The following EDEM1 variants were observed in gnomAD, a reference collection of about 807,000 sequenced individuals.
EDEM1 encodes the protein ER degradation enhancing alpha-mannosidase like protein 1.
EDEM1 carries 67 observed loss-of-function variants against 74.4 expected under a neutral mutation model. The observed-to-expected ratio is 0.90, with a 90% confidence interval of 0.74 to 1.10. The LOEUF is 1.10. Ranked by LOEUF, EDEM1 falls within the 50% of genes least tolerant of loss-of-function variation. The probability of loss-of-function intolerance (pLI) is 0.00; values close to 1 mark genes in which losing one functional copy is unlikely to be tolerated. For missense variants in EDEM1, 926 were observed against 851.6 expected (o/e 1.09, Z -1.09); for synonymous variants, 382 against 335.9 (o/e 1.14, Z -1.50).
At chr3:5,189,464 A>C (rs1412318649) in intron 1 of EDEM1, 2 of 152,342 alleles carry the variant, frequency 1.3e-5, no homozygotes, top group East Asian at 3.9e-4. Flanking sequence ...CAAAGGACTG[A>C]GCCTTTTCAA....
intron 10 of EDEM1, among the ~76,000 whole-genome samples, chr3:5,212,754 C>T (rs1030096546): frequency 1.3e-5 from 2 of 152,206 alleles, no homozygotes; most frequent in East Asian, 1.9e-4. Flanking sequence ...TCTTTCGTTC[C>T]GTGTCACATG....
At chr3:5,207,078 C>T (rs2055106661) in intron 6 of EDEM1, 75 bp from the exon 7 acceptor site, 1 of 1,567,200 alleles carries the variant, frequency 6.4e-7, no homozygotes, top group Non-Finnish European at 8.6e-7. Flanking sequence ...ATGAAACTAC[C>T]AGCAGCTGCT....
intron 1 of EDEM1, 74 bp from the exon 2 acceptor site, chr3:5,195,135 T>A: frequency 1.2e-6 from 1 of 809,916 alleles, no homozygotes; most frequent in Non-Finnish European, 1.8e-6. Context: ...TTATAGTTTC[T>A]GATGGGTGTT....
At chr3:5,199,177 T>A (rs2055005851) in intron 2 of EDEM1, among the ~76,000 whole-genome samples, 1 of 152,226 alleles carries the variant, frequency 6.6e-6, no homozygotes, top group Non-Finnish European at 1.5e-5. Context: ...GCACCCAAGC[T>A]GCTGATTTAT....
At chr3:5,211,596 C>A (rs751879265) in intron 10 of EDEM1, among the ~76,000 whole-genome samples, 1 of 152,092 alleles carries the variant, frequency 6.6e-6, no homozygotes, top group Non-Finnish European at 1.5e-5. Context: ...TTAGCCAAGA[C>A]CTGCAGCTCA....
intron 2 of EDEM1, 101 bp from the exon 3 acceptor site, chr3:5,199,491 A>C: frequency 1.3e-6 from 1 of 789,424 alleles, no homozygotes; most frequent in South Asian, 1.8e-5. Context: ...TGGTAGCAAA[A>C]CCACATACAG....
chr3:5,194,980 C>T, intron 1 of EDEM1: 2 of 325,022 alleles, frequency 6.2e-6, no homozygotes, highest in South Asian at 1.1e-4. Flanking sequence ...GCATTCTTTC[C>T]ACTCTGGTAC....
intron 5 of EDEM1, 46 bp downstream of exon 5, chr3:5,203,195 C>A (rs1451417821): frequency 1.4e-6 from 2 of 1,479,004 alleles, no homozygotes; most frequent in Admixed American, 2.5e-5. Context: ...TGCTTGGTCC[C>A]CTTTTCCTTT....
intron 9 of EDEM1, 77 bp from the exon 10 acceptor site, chr3:5,211,043 A>G: frequency 3.1e-6 from 4 of 1,290,868 alleles, no homozygotes; most frequent in South Asian, 1.2e-5. Flanking sequence ...TTCTGATAAG[A>G]GAATGTTTCT....
At position 5,195,312 on chromosome 3, in the gene EDEM1, A is replaced by T. The variant is rs572470013; in HGVS notation, c.582+31A>T. On this transcript the variant is annotated intron_variant, in intron 2 of 11. Coordinates refer to ENST00000256497, the MANE Select transcript of EDEM1 (RefSeq NM_014674.3). ...TGTTCACCTTTTTTTAAAAAAATGAATTAAGATGTTTTAGAGTTGATTATC... is the reference window on the plus strand; with the variant it reads ...TGTTCACCTTTTTTTAAAAAAATGATTTAAGATGTTTTAGAGTTGATTATC... 1.0e-5 allele frequency: 15 copies of T among 1,434,472 alleles called. No individual in the cohort carries two copies. In the South Asian group the frequency reaches 2.0e-4, roughly 19 times the overall value. 88.9% of individuals were successfully genotyped at this position (1,434,472 alleles called of 1,614,324 possible).
At position 5,202,979 on chromosome 3, in the gene EDEM1, C is replaced by T. The variant is rs1302526313; in HGVS notation, c.872C>T (p.Thr291Ile). The change falls in exon 5 of 12, where the codon ACA becomes ATA. Residue 291 changes from threonine to isoleucine, a missense_variant. By Grantham distance (89) the Thr-to-Ile change is moderately conservative. Transcript: ENST00000256497. Reference sequence around the variant, plus strand: ...TCCCATCCCCAGGTGAATCTAAAGACAGGAGTTCCTCCTGACACCAATAAT... The same window carrying T: ...TCCCATCCCCAGGTGAATCTAAAGATAGGAGTTCCTCCTGACACCAATAAT... ...GIPYPRVNLK[T>I]GVPPDTNNET... 2.5e-6 allele frequency: 4 copies of T among 1,613,256 alleles called. No individual in the cohort carries two copies. The highest frequency in any genetic ancestry group is 4.5e-5 in the East Asian group (2 of 44,758).
chr3:5,197,393 C>T (rs1431837251), intron 2 of EDEM1, among the ~76,000 whole-genome samples: 1 of 152,200 alleles, frequency 6.6e-6, no homozygotes, highest in East Asian at 1.9e-4. Flanking sequence ...TTTAGCTCCT[C>T]TGTCCCATTC....
intron 1 of EDEM1, among the ~76,000 whole-genome samples, chr3:5,189,912 A>G (rs1409848758): frequency 6.6e-6 from 1 of 152,010 alleles, no homozygotes; most frequent in Non-Finnish European, 1.5e-5. Flanking sequence ...GTCTTTCCAG[A>G]TTTTAAGAAA....
chr3:5,192,322 C>T (rs1173628051), intron 1 of EDEM1, among the ~76,000 whole-genome samples: 1 of 152,236 alleles, frequency 6.6e-6, no homozygotes, highest in Non-Finnish European at 1.5e-5. Context: ...TCTGTGCCTA[C>T]ACCACACCAG....
At chr3:5,190,926 T>G (rs781359826) in intron 1 of EDEM1, among the ~76,000 whole-genome samples, 7 of 152,142 alleles carry the variant, frequency 4.6e-5, no homozygotes, top group Middle Eastern at 3.2e-3. Context: ...GGTGTATATA[T>G]TTATAGGGTA....
At chr3:5,212,553 G>A (rs1249254707) in intron 10 of EDEM1, among the ~76,000 whole-genome samples, 1 of 152,226 alleles carries the variant, frequency 6.6e-6, no homozygotes, top group Non-Finnish European at 1.5e-5. Context: ...GGTCTACCCT[G>A]TTCTTCTCTT....
At chr3:5,214,842 A>G (rs2055211309) in intron 11 of EDEM1, among the ~76,000 whole-genome samples, 1 of 152,164 alleles carries the variant, frequency 6.6e-6, no homozygotes, top group East Asian at 1.9e-4. Flanking sequence ...GGCCCTCAGA[A>G]GGGCTCCCGG....
At chr3:5,215,329 G>A (rs895376021) in intron 11 of EDEM1, among the ~76,000 whole-genome samples, 1 of 151,846 alleles carries the variant, frequency 6.6e-6, no homozygotes, top group Non-Finnish European at 1.5e-5. Context: ...ATAGTCTTAA[G>A]CATTTAGAGT....
In EDEM1 at chr3:5,207,404, C is replaced by T. The variant is rs920331472; in HGVS notation, c.1338+131C>T. On this transcript the variant is annotated intron_variant, in intron 7 of 11. Coordinates refer to ENST00000256497, the MANE Select transcript of EDEM1 (RefSeq NM_014674.3). ...TTGGGAGGTCACTGACACTATACGT[C>T]TTCATCTCTCTGTTTGAGAAATTAG... The T allele has an allele frequency of 2.4e-6, 3 of 1,257,914 alleles. No individual in the cohort carries two copies. In the African/African-American group the frequency reaches 4.5e-5, roughly 19 times the overall value. The allele number at this position is 1,257,914 out of a possible 1,614,324, so 77.9% of individuals were successfully genotyped here. A position where few individuals can be genotyped will look rare whatever the true frequency, so the allele number is the denominator to read the frequency against.
Sources: allele counts gnomAD v4.1 joint callset (sites outside exome capture counted in the v4.1 genomes callset), GRCh38; gene constraint gnomAD v4.1.1; transcripts MANE v1.5; gene names NCBI Gene and HGNC (gene_info 2026-07-23, HGNC 2026-07-21).